Variants in CD2 observed in about 807,000 individuals in gnomAD.
CD2 encodes CD2 molecule.
A neutral mutation model predicts 23.2 loss-of-function variants in CD2; 18 were observed. The ratio of observed to expected loss-of-function variants is 0.77; its 90% CI spans 0.54 to 1.15. The LOEUF (loss-of-function observed/expected upper bound fraction) is 1.15. CD2 is among the 50% of genes most tolerant of loss of function. CD2 has a pLI of 0.00. For missense variants in CD2, 424 were observed against 423.1 expected (o/e 1.00, Z -0.02); for synonymous variants, 162 against 151.9 (o/e 1.07, Z -0.49).
At chr1:116,755,014 T>C (rs1651792816) in intron 2 of CD2, 63 bp downstream of exon 2, 1 of 1,160,250 alleles carries the variant, frequency 8.6e-7, no homozygotes, top group Non-Finnish European at 1.2e-6. Context: ...AGTTGGAAAA[T>C]AGCATTTCTA....
At chr1:116,766,326 A>G (rs1481213515) in intron 4 of CD2, among the ~76,000 whole-genome samples, 3 of 151,988 alleles carry the variant, frequency 2.0e-5, no homozygotes, top group African/African-American at 7.3e-5. Context: ...TGTCTGTCCA[A>G]CCCTGCCTGC....
In CD2 at chr1:116,760,313, A is replaced by C. The variant is rs1571240209; in HGVS notation, c.383-89A>C. 4 of 948,162 alleles carry C rather than the reference A, an allele frequency of 4.2e-6. No homozygotes were observed. In the East Asian group the frequency reaches 1.0e-4, roughly 25 times the overall value. 58.7% of individuals were successfully genotyped at this position (948,162 alleles called of 1,614,324 possible). ...CTTTGACATTGTTCCCTTGTCCCTA[A>C]CTGACTCCATCCCCCACTGTATAAA... On this transcript the variant is annotated intron_variant, in intron 2 of 4. Coordinates refer to ENST00000369478, the MANE Select transcript of CD2 (RefSeq NM_001767.5).
Position 116,768,984 on chromosome 1 carries a change from T to C in CD2, c.*201T>C, listed in dbSNP as rs1652312118. On this transcript the variant is annotated 3_prime_UTR_variant, in exon 5 of 5. Coordinates refer to ENST00000369478, the MANE Select transcript of CD2 (RefSeq NM_001767.5). ...TTTTTGGTCTCCTCAGAGAGCTCCA[T>C]CACACCAGTAAGGAGAAGCAATATA... 1.7e-6 allele frequency: 1 copy of C among 586,118 alleles called. No individual in the cohort carries two copies. Among genetic ancestry groups the C allele is most frequent in the African/African-American group, 1.9e-5 (1 of 53,588 alleles). The allele number at this position is 586,118 out of a possible 1,614,324, so 36.3% of individuals were successfully genotyped here. A position where few individuals can be genotyped will look rare whatever the true frequency, so the allele number is the denominator to read the frequency against.
chr1:116,755,107 G>T, intron 2 of CD2, 156 bp downstream of exon 2: 1 of 624,084 alleles, frequency 1.6e-6, no homozygotes. Flanking sequence ...GGAGACTGTG[G>T]TCCAATGCGG....
chr1:116,768,626 C>T lies in CD2; in HGVS notation c.899C>T (p.Pro300Leu). 2 of 1,614,138 alleles carry T rather than the reference C, an allele frequency of 1.2e-6. No homozygotes were observed. The highest frequency in any genetic ancestry group is 2.2e-5 in the South Asian group (2 of 91,074). Residue 300 changes from proline (P) to leucine (L), a missense_variant, in exon 5 of 5, where the codon CCT becomes CTT. Pro to Leu is a moderately conservative substitution (Grantham distance 98). Transcript: ENST00000369478. ...GCACCTAGTCATCGTCCCCCGCCTC[C>T]TGGACACCGTGTTCAGCACCAGCCT... ...SQAPSHRPPP[P>L]GHRVQHQPQK...
At position 116,760,660 on chromosome 1, in the gene CD2, A is replaced by C. The variant is rs188830156; in HGVS notation, c.613+28A>C. On this transcript the variant is annotated intron_variant, in intron 3 of 4. Coordinates refer to ENST00000369478, the MANE Select transcript of CD2 (RefSeq NM_001767.5). ...GCGTGGCGGGCATCACTTCACAAAC[A>C]CAGCCTGCCAGGCCCTCAGTAGGCA... 4.5e-6 allele frequency: 7 copies of C among 1,566,944 alleles called. No individual in the cohort carries two copies. In the Admixed American group the frequency reaches 8.4e-5, roughly 19 times the overall value.
chr1:116,763,908 G>A lies in CD2; in HGVS notation c.614-576G>A, dbSNP rs576739512. Among the ~76,000 whole-genome samples, 367 of 152,210 alleles carry A rather than the reference G, an allele frequency of 2.4e-3. 4 individuals are homozygous for A. Among genetic ancestry groups the A allele is most frequent in the Non-Finnish European group, 6.2e-4 (42 of 68,012 alleles). On this transcript the variant is annotated intron_variant, in intron 3 of 4. Transcript: ENST00000369478. ...GAAACTCTGTGAGAGGGTGCTGGCC[G>A]TGAGGTCAGAGTGCTGGGCTGGACA...
At position 116,754,819 on chromosome 1, in the gene CD2, T is replaced by C. The variant is rs1358000886; in HGVS notation, c.250T>C (p.Tyr84His). The stretch of plus-strand genomic sequence containing the variant: ...AGAGACTTTCAAGGAAAAAGATACA[T>C]ATAAGCTATTTAAAAATGGAACTCT... ...EKETFKEKDT[Y>H]KLFKNGTLKI... Residue 84 changes from tyrosine (Y) to histidine (H), a missense_variant, in exon 2 of 5, where the codon TAT becomes CAT. Coordinates refer to ENST00000369478, the MANE Select transcript of CD2 (RefSeq NM_001767.5). 1.9e-6 allele frequency: 3 copies of C among 1,612,910 alleles called. No homozygotes were observed. Among genetic ancestry groups the C allele is most frequent in the Non-Finnish European group, 1.7e-6 (2 of 1,179,060 alleles).
intron 2 of CD2, among the ~76,000 whole-genome samples, chr1:116,759,557 C>A (rs918317676): frequency 5.3e-5 from 8 of 152,118 alleles, no homozygotes; most frequent in African/African-American, 9.7e-5. Context: ...AATCTCTGTG[C>A]GGGAGAGGCA....
At position 116,754,770 on chromosome 1, in the gene CD2, G is replaced by T; in HGVS notation, c.201G>T (p.Lys67Asn). The T allele has an allele frequency of 6.2e-7, 1 of 1,613,542 alleles. No individual in the cohort carries two copies. The highest frequency in any genetic ancestry group is 8.5e-7 in the Non-Finnish European group (1 of 1,179,818). ...IKWEKTSDKK[K>N]IAQFRKEKET... Reference sequence around the variant, plus strand: ...GGGAAAAAACTTCAGACAAGAAAAAGATTGCACAATTCAGAAAAGAGAAAG... The same window carrying T: ...GGGAAAAAACTTCAGACAAGAAAAATATTGCACAATTCAGAAAAGAGAAAG... Residue 67 changes from lysine to asparagine, a missense_variant, in exon 2 of 5, where the codon AAG (lysine) becomes AAT (asparagine). Lys to Asn is a moderately conservative substitution (Grantham distance 94, BLOSUM62 0). Transcript: ENST00000369478.
At chr1:116,759,440 A>C (rs1651964889) in intron 2 of CD2, among the ~76,000 whole-genome samples, 2 of 150,936 alleles carry the variant, frequency 1.3e-5, no homozygotes, top group South Asian at 2.1e-4. Flanking sequence ...AAAAAAAAAA[A>C]CAGAAGACGA....
intron 2 of CD2, 47 bp downstream of exon 2, chr1:116,754,998 T>C (rs1651792452): frequency 7.6e-7 from 1 of 1,323,958 alleles, no homozygotes; most frequent in East Asian, 2.3e-5. Context: ...TGGGTGCTAT[T>C]TGGCAAGTTG....
chr1:116,767,976 G>A (rs1327808156), intron 4 of CD2, among the ~76,000 whole-genome samples: 1 of 152,206 alleles, frequency 6.6e-6, no homozygotes, highest in African/African-American at 2.4e-5. Flanking sequence ...CCTTGCATGT[G>A]TTCCAACCTC....
At position 116,754,796 on chromosome 1, in the gene CD2, A is replaced by T. The variant is rs1651784362; in HGVS notation, c.227A>T (p.Glu76Val). 1.9e-6 allele frequency: 3 copies of T among 1,613,192 alleles called. No homozygotes were observed. Among genetic ancestry groups the T allele is most frequent in the South Asian group, 2.2e-5 (2 of 90,786 alleles). The change falls in exon 2 of 5, where the codon GAG becomes GTG. Residue 76 changes from glutamate to valine, a missense_variant. By Grantham distance (121) the Glu-to-Val change is moderately radical. Coordinates refer to ENST00000369478, the MANE Select transcript of CD2 (RefSeq NM_001767.5). ...ATTGCACAATTCAGAAAAGAGAAAG[A>T]GACTTTCAAGGAAAAAGATACATAT... ...KKIAQFRKEK[E>V]TFKEKDTYKL...
At chr1:116,757,796 G>A (rs1461376899) in intron 2 of CD2, among the ~76,000 whole-genome samples, 2 of 151,778 alleles carry the variant, frequency 1.3e-5, no homozygotes, top group African/African-American at 2.4e-5. Context: ...AAGAGACAGG[G>A]TCTCACTCTG....
At chr1:116,757,007 T>C (rs1005174634) in intron 2 of CD2, among the ~76,000 whole-genome samples, 3 of 151,584 alleles carry the variant, frequency 2.0e-5, no homozygotes, top group Non-Finnish European at 4.4e-5. Context: ...TTTTTTTTTT[T>C]TTTAATTGAG....
At chr1:116,756,940 G>C (rs1253862303) in intron 2 of CD2, among the ~76,000 whole-genome samples, 2 of 150,812 alleles carry the variant, frequency 1.3e-5, no homozygotes, top group Admixed American at 1.3e-4. Flanking sequence ...CACAATGCCT[G>C]TTTTCTCAGT....
At chr1:116,759,661 G>A (rs934964190) in intron 2 of CD2, among the ~76,000 whole-genome samples, 2 of 152,204 alleles carry the variant, frequency 1.3e-5, no homozygotes, top group Non-Finnish European at 2.9e-5. Flanking sequence ...CTCCTTTTGT[G>A]ACAGGTAGGG....
At chr1:116,763,613 A>G (rs924545421) in intron 3 of CD2, among the ~76,000 whole-genome samples, 2 of 152,110 alleles carry the variant, frequency 1.3e-5, no homozygotes, top group Non-Finnish European at 1.5e-5. Context: ...TTTCATATCC[A>G]TTATCTGATT....
Sources: allele counts gnomAD v4.1 joint callset (sites outside exome capture counted in the v4.1 genomes callset), GRCh38; gene constraint gnomAD v4.1.1; transcripts MANE v1.5; gene names NCBI Gene and HGNC (gene_info 2026-07-23, HGNC 2026-07-21).